CTTNBP2: variants seen among roughly 807,000 people sequenced by gnomAD.
CTTNBP2 encodes the protein cortactin binding protein 2, also known as cortactin-binding protein 2.
Under a neutral mutation model 156.9 loss-of-function variants are expected in CTTNBP2, and 108 were observed. That is an observed-to-expected ratio of 0.69 (90% CI 0.59 to 0.81). CTTNBP2 has a LOEUF of 0.81. CTTNBP2 is among the 30% of genes least tolerant of loss of function. The pLI, the probability that CTTNBP2 is intolerant of heterozygous loss-of-function variation, is 0.00. For missense variants in CTTNBP2, 1,924 were observed against 2,035.4 expected, an observed-to-expected ratio of 0.95 and a Z score of 1.05; for synonymous variants, 767 against 751.8, an observed-to-expected ratio of 1.02 and a Z score of -0.33.
chr7:117,785,924 T>C (rs1205344086), intron 4 of CTTNBP2, among the ~76,000 whole-genome samples: 3 of 152,192 alleles, frequency 2.0e-5, no homozygotes, highest in Non-Finnish European at 2.9e-5. Flanking sequence ...TTACGATATG[T>C]GGTAATATCC....
At chr7:117,774,906 C>G (rs949454510) in intron 8 of CTTNBP2, among the ~76,000 whole-genome samples, 3 of 152,036 alleles carry the variant, frequency 2.0e-5, no homozygotes, top group African/African-American at 4.8e-5. Flanking sequence ...AGCTCAGAGC[C>G]GTATTTTTTT....
chr7:117,727,976 G>A (rs77858904), intron 17 of CTTNBP2, 113 bp downstream of exon 17: 448 of 908,314 alleles, frequency 4.9e-4, no homozygotes, highest in African/African-American at 3.7e-3. Context: ...CTGGCACTCC[G>A]TGTCAGTGAC....
chr7:117,816,462 C>T (rs548958814), intron 2 of CTTNBP2, among the ~76,000 whole-genome samples: 2 of 152,180 alleles, frequency 1.3e-5, no homozygotes, highest in African/African-American at 4.8e-5. Flanking sequence ...TTGCCCCAGG[C>T]CTTTGTGTTG....
intron 1 of CTTNBP2, among the ~76,000 whole-genome samples, chr7:117,871,124 G>C (rs970197911): frequency 1.3e-5 from 2 of 152,122 alleles, no homozygotes; most frequent in African/African-American, 4.8e-5. Context: ...AAAATGCAAA[G>C]TGAATTGTTC....
intron 2 of CTTNBP2, among the ~76,000 whole-genome samples, chr7:117,834,511 C>T (rs1194908013): frequency 6.6e-6 from 1 of 152,178 alleles, no homozygotes; most frequent in African/African-American, 2.4e-5. Flanking sequence ...TCCTTTACCA[C>T]TCACCCCAGT....
At chr7:117,873,093 CCGCTTCCCGTGGGG>C (rs1450628741) in intron 1 of CTTNBP2, among the ~76,000 whole-genome samples, 2 of 152,208 alleles carry the variant, frequency 1.3e-5, no homozygotes, top group African/African-American at 2.4e-5. Context: ...CGACCCGGGG[CCGCTTCCCGTGGGG>C]CGCGGAAGGG....
rs35840783 is a variant in CTTNBP2 at position 117,837,001 on chromosome 7, A to G, written c.189+24208T>C. Among the ~76,000 whole-genome samples the G allele has an allele frequency of 9.3e-3, 1,421 of 152,316 alleles. 62 individuals carry two copies. Among genetic ancestry groups the G allele is most frequent in the Admixed American group, 0.062 (945 of 15,298 alleles). ...TACAGCCAAACCATATCACCATCCAATTCTACCAATGTTGTACTTTTCAGA... is the reference window on the plus strand; with the variant it reads ...TACAGCCAAACCATATCACCATCCAGTTCTACCAATGTTGTACTTTTCAGA... On this transcript the variant is annotated intron_variant, in intron 2 of 22. Coordinates refer to ENST00000160373, the MANE Select transcript of CTTNBP2 (RefSeq NM_033427.3).
chr7:117,731,589 T>C (rs1252480708), intron 16 of CTTNBP2, among the ~76,000 whole-genome samples: 2 of 152,232 alleles, frequency 1.3e-5, no homozygotes, highest in Non-Finnish European at 2.9e-5. Context: ...TCACACTGTG[T>C]TTTGATGATC....
chr7:117,835,986 C>T (rs1019855965), intron 2 of CTTNBP2, among the ~76,000 whole-genome samples: 11 of 152,254 alleles, frequency 7.2e-5, no homozygotes, highest in Admixed American at 1.3e-4. Context: ...AAAGAAGTAA[C>T]GTACAGCACA....
intron 19 of CTTNBP2, 93 bp downstream of exon 19, chr7:117,724,454 C>A (rs1186018909): frequency 2.8e-6 from 3 of 1,065,900 alleles, no homozygotes; most frequent in Non-Finnish European, 4.1e-6. Context: ...TTACCAAATG[C>A]ATCGTGATAA....
At position 117,719,752 on chromosome 7, in the gene CTTNBP2, C is replaced by T. The variant is rs1244278259; in HGVS notation, c.4512-116G>A. ...GGGGTAGGGAAAATGTTTTTAATAG[C>T]CTTTAAAGTATTTCATAAATGTCAT... On this transcript the variant is annotated intron_variant, in intron 20 of 22. Coordinates refer to ENST00000160373, the MANE Select transcript of CTTNBP2 (RefSeq NM_033427.3). 5 of 709,326 alleles carry T rather than the reference C, an allele frequency of 7.0e-6. No homozygotes were observed. In the South Asian group the frequency reaches 8.0e-5, roughly 11 times the overall value. 43.9% of individuals were successfully genotyped at this position (709,326 alleles called of 1,614,324 possible). A position where few individuals can be genotyped will look rare whatever the true frequency, so the allele number is the denominator to read the frequency against.
At chr7:117,808,803 A>G (rs1478863558) in intron 3 of CTTNBP2, among the ~76,000 whole-genome samples, 1 of 152,202 alleles carries the variant, frequency 6.6e-6, no homozygotes, top group Non-Finnish European at 1.5e-5. Flanking sequence ...TTGCTTTCAG[A>G]GGACTAAAGG....
At chr7:117,786,339 AC>A (rs1563005178) in intron 4 of CTTNBP2, 2 of 391,426 alleles carry the variant, frequency 5.1e-6, no homozygotes, top group South Asian at 4.0e-5. Flanking sequence ...TCCTACTGAT[AC>A]TCATTAGCTC....
intron 12 of CTTNBP2, among the ~76,000 whole-genome samples, chr7:117,746,895 C>T (rs1328444976): frequency 1.3e-5 from 2 of 152,146 alleles, no homozygotes; most frequent in African/African-American, 2.4e-5. Context: ...AAGGATACCT[C>T]GCCTGAGAAC....
chr7:117,754,838 G>A (rs1796801113), intron 12 of CTTNBP2, among the ~76,000 whole-genome samples: 2 of 152,182 alleles, frequency 1.3e-5, no homozygotes, highest in South Asian at 4.1e-4. Context: ...ATATATAAGT[G>A]TACTTGGAAT....
At chr7:117,861,443 A>G (rs186493134) in intron 1 of CTTNBP2, 127 bp from the exon 2 acceptor site, 428 of 646,854 alleles carry the variant, frequency 6.6e-4, no homozygotes, top group African/African-American at 4.5e-3. Context: ...CCGGGGTACT[A>G]TTTGCAGCAG....
At chr7:117,795,828 C>A (rs35154668) in intron 3 of CTTNBP2, among the ~76,000 whole-genome samples, 2 of 152,200 alleles carry the variant, frequency 1.3e-5, no homozygotes, top group South Asian at 2.1e-4. Context: ...AAAAGTTTAC[C>A]GCAGAGAGCA....
chr7:117,715,666 A>G (rs1483467138), intron 22 of CTTNBP2: 4 of 152,180 alleles, frequency 2.6e-5, no homozygotes, highest in Admixed American at 2.0e-4. Context: ...CTTGATTAGT[A>G]AACCCAATTA....
chr7:117,716,051 G>A (rs1392017187), intron 22 of CTTNBP2: 3 of 152,046 alleles, frequency 2.0e-5, no homozygotes, highest in African/African-American at 4.8e-5. Context: ...CTCCAAATAA[G>A]TGTCTTCAGT....
Sources: gnomAD v4.1 joint callset for allele counts (sites outside exome capture counted in the v4.1 genomes callset) on GRCh38, gnomAD v4.1.1 for gene constraint, MANE v1.5 for transcripts, NCBI Gene and HGNC (gene_info 2026-07-23, HGNC 2026-07-21) for gene names.